The following SUCLG2 variants were observed in gnomAD, a reference collection of about 807,000 sequenced individuals.
SUCLG2 encodes the protein succinate-CoA ligase GDP-forming subunit beta.
A neutral mutation model predicts 47.9 loss-of-function variants in SUCLG2; 42 were observed. The observed-to-expected ratio is 0.88, with a 90% CI of 0.69 to 1.14. The LOEUF is 1.14. Among genes scored for constraint, SUCLG2 ranks in the 50% most tolerant of loss-of-function variants. The pLI, the probability that SUCLG2 is intolerant of heterozygous loss-of-function variation, is 0.00. For synonymous variants in SUCLG2, 195 were observed against 197.3 expected (o/e 0.99, Z 0.10); for missense variants, 571 against 525.9 (o/e 1.09, Z -0.84).
At chr3:67,523,817 T>C (rs924564658) in intron 4 of SUCLG2, among the ~76,000 whole-genome samples, 1 of 152,216 alleles carries the variant, frequency 6.6e-6, no homozygotes, top group African/African-American at 2.4e-5. Context: ...GTTTAGAGAA[T>C]AATACTTAAT....
intron 9 of SUCLG2, among the ~76,000 whole-genome samples, chr3:67,467,503 G>C (rs754770170): frequency 6.6e-6 from 1 of 152,092 alleles, no homozygotes; most frequent in Non-Finnish European, 1.5e-5. Context: ...TTTTCAAATA[G>C]GGTTTTAGTA....
intron 2 of SUCLG2, among the ~76,000 whole-genome samples, chr3:67,573,463 T>G (rs1707667279): frequency 6.6e-6 from 1 of 152,270 alleles, no homozygotes; most frequent in African/African-American, 2.4e-5. Flanking sequence ...ATATTACATT[T>G]GATTGCTTCC....
intron 2 of SUCLG2, among the ~76,000 whole-genome samples, chr3:67,569,911 G>T (rs990698430): frequency 1.3e-5 from 2 of 152,156 alleles, no homozygotes; most frequent in African/African-American, 4.8e-5. Context: ...GCTATGGGCT[G>T]TTTGTAAACC....
intron 9 of SUCLG2, among the ~76,000 whole-genome samples, chr3:67,421,375 C>CA (rs546550743): frequency 2.6e-5 from 4 of 152,110 alleles, no homozygotes; most frequent in East Asian, 1.9e-4. Context: ...CCTCTCTCAG[C>CA]AAAAAAACAA....
In SUCLG2 at chr3:67,508,971, T is replaced by C. The variant is rs1379666740; in HGVS notation, c.661-68A>G. On this transcript the variant is annotated intron_variant, in intron 6 of 10. Transcript: ENST00000307227. ...AAGAAAATTTATTTTGCTGGATTAA[T>C]GAAACCTTAAAAATAGCAAGTTATG... 3.3e-6 allele frequency: 4 copies of C among 1,226,584 alleles called. No individual in the cohort carries two copies. The Admixed American group carries it at 9.0e-5, about 28-fold the overall frequency. The allele number at this position is 1,226,584 out of a possible 1,614,324, so 76.0% of individuals were successfully genotyped here. A position where few individuals can be genotyped will look rare whatever the true frequency, so the allele number is the denominator to read the frequency against.
At chr3:67,502,290 T>A in intron 7 of SUCLG2, among the ~76,000 whole-genome samples, 1 of 152,240 alleles carries the variant, frequency 6.6e-6, no homozygotes, top group East Asian at 1.9e-4. Context: ...TTTTTCCCTA[T>A]TATACATAGT....
At chr3:67,579,552 C>G (rs1014379833) in intron 2 of SUCLG2, among the ~76,000 whole-genome samples, 1 of 152,158 alleles carries the variant, frequency 6.6e-6, no homozygotes, top group Non-Finnish European at 1.5e-5. Context: ...CTTACTGCCA[C>G]TAAATTACAA....
chr3:67,455,948 GTTA>G (rs894748803), intron 9 of SUCLG2, among the ~76,000 whole-genome samples: 2 of 152,150 alleles, frequency 1.3e-5, no homozygotes, highest in African/African-American at 4.8e-5. Context: ...TATTACCACT[GTTA>G]TTATATTTAA....
chr3:67,414,447 G>A (rs1175467350), intron 9 of SUCLG2, among the ~76,000 whole-genome samples: 1 of 152,154 alleles, frequency 6.6e-6, no homozygotes, highest in Non-Finnish European at 1.5e-5. Flanking sequence ...TAATTGGAAG[G>A]GGTGGTTTCA....
At chr3:67,458,873 T>C (rs1278679355) in intron 9 of SUCLG2, among the ~76,000 whole-genome samples, 1 of 152,236 alleles carries the variant, frequency 6.6e-6, no homozygotes, top group East Asian at 1.9e-4. Context: ...AATGTAAATA[T>C]TACCATCTCT....
intron 10 of SUCLG2, among the ~76,000 whole-genome samples, chr3:67,366,454 C>T (rs374313171): frequency 3.5e-4 from 54 of 152,316 alleles, no homozygotes; most frequent in African/African-American, 1.1e-3. Flanking sequence ...TTACTCATTC[C>T]TTGAGTAGAG....
chr3:67,459,136 T>TTG (rs965295166), intron 9 of SUCLG2, among the ~76,000 whole-genome samples: 12 of 152,184 alleles, frequency 7.9e-5, no homozygotes, highest in African/African-American at 2.7e-4. Flanking sequence ...GGCAGCTGTT[T>TTG]TGTGTGTGTG....
At chr3:67,419,800 A>C (rs1355187431) in intron 9 of SUCLG2, among the ~76,000 whole-genome samples, 1 of 152,158 alleles carries the variant, frequency 6.6e-6, no homozygotes, top group African/African-American at 2.4e-5. Flanking sequence ...GGAAAAGAAA[A>C]TAGGATAATT....
At chr3:67,474,402 C>T (rs1338321881) in intron 9 of SUCLG2, among the ~76,000 whole-genome samples, 2 of 152,108 alleles carry the variant, frequency 1.3e-5, no homozygotes, top group Non-Finnish European at 2.9e-5. Context: ...TTATTTGCTA[C>T]TTTTTCGCCG....
chr3:67,475,674 G>T (rs2106999225), intron 9 of SUCLG2, among the ~76,000 whole-genome samples: 1 of 151,484 alleles, frequency 6.6e-6, no homozygotes, highest in African/African-American at 2.4e-5. Context: ...TCTTTTATGT[G>T]TTCACCTCGC....
intron 9 of SUCLG2, among the ~76,000 whole-genome samples, chr3:67,412,289 C>A (rs1278896640): frequency 6.6e-6 from 1 of 152,148 alleles, no homozygotes; most frequent in Non-Finnish European, 1.5e-5. Context: ...TTGGCCACAC[C>A]TTCTCTCATC....
At chr3:67,378,981 C>T (rs1702092991) in intron 10 of SUCLG2, among the ~76,000 whole-genome samples, 1 of 152,160 alleles carries the variant, frequency 6.6e-6, no homozygotes, top group African/African-American at 2.4e-5. Context: ...GAGTCTTGCT[C>T]TGTCACCCAG....
intron 7 of SUCLG2, among the ~76,000 whole-genome samples, chr3:67,505,286 A>C (rs1411950268): frequency 6.6e-6 from 1 of 152,238 alleles, no homozygotes; most frequent in Non-Finnish European, 1.5e-5. Flanking sequence ...GATTCTCTTC[A>C]GGCCTTAAGC....
intron 9 of SUCLG2, among the ~76,000 whole-genome samples, chr3:67,494,723 C>T (rs1008748878): frequency 2.6e-5 from 4 of 152,112 alleles, no homozygotes; most frequent in Non-Finnish European, 2.9e-5. Context: ...GAATGAAAAC[C>T]GTGTACATTA....
Sources: gnomAD v4.1 joint callset for allele counts (sites outside exome capture counted in the v4.1 genomes callset) on GRCh38, gnomAD v4.1.1 for gene constraint, MANE v1.5 for transcripts, NCBI Gene and HGNC (gene_info 2026-07-23, HGNC 2026-07-21) for gene names.